The following HLF variants were observed in gnomAD, a reference collection of about 807,000 sequenced individuals.
HLF encodes the protein HLF transcription factor, PAR bZIP family member.
In HLF, 3 loss-of-function variants were observed where a neutral mutation model predicts 22.6. The observed-to-expected ratio is 0.13, with a 90% confidence interval of 0.06 to 0.34. The LOEUF is 0.34. Among genes scored for constraint, HLF ranks in the 10% least tolerant of loss-of-function variants. The pLI is 1.00. For synonymous variants in HLF, 151 were observed against 151.8 expected (o/e 0.99, Z 0.04); for missense variants, 299 against 389.2 (o/e 0.77, Z 1.95).
chr17:55,288,388 T>TCCG (rs965863487), intron 2 of HLF, among the ~76,000 whole-genome samples: 12 of 152,048 alleles, frequency 7.9e-5, no homozygotes. Flanking sequence ...CCTCAAGTGA[T>TCCG]CCGCCCTCCT....
chr17:55,269,162 T>C (rs979451843), intron 2 of HLF, among the ~76,000 whole-genome samples: 5 of 152,118 alleles, frequency 3.3e-5, no homozygotes, highest in Non-Finnish European at 2.9e-5. Flanking sequence ...AAGATTTAAA[T>C]GGAAGGAAAT....
intron 2 of HLF, among the ~76,000 whole-genome samples, chr17:55,306,069 T>C (rs1030867628): frequency 1.3e-5 from 2 of 152,202 alleles, no homozygotes; most frequent in African/African-American, 4.8e-5. Flanking sequence ...TCAGTATTAC[T>C]GATATTACCA....
chr17:55,265,957 C>T (rs1269367512), intron 1 of HLF: 7 of 708,944 alleles, frequency 9.9e-6, no homozygotes, highest in Non-Finnish European at 7.1e-6. Context: ...GCAGAGCCTC[C>T]CGGGCTGGGG....
At chr17:55,312,191 G>A (rs549984285) in intron 2 of HLF, among the ~76,000 whole-genome samples, 35 of 152,252 alleles carry the variant, frequency 2.3e-4, no homozygotes, top group East Asian at 1.9e-4. Flanking sequence ...CCAGTAATGC[G>A]TTGCTAGGCC....
chr17:55,271,536 T>C (rs996116958), intron 2 of HLF: 3 of 152,118 alleles, frequency 2.0e-5, no homozygotes, highest in African/African-American at 7.2e-5. Context: ...ACTTATTTGT[T>C]TATTTATTTT....
chr17:55,305,600 TC>T (rs1267415434), intron 2 of HLF, among the ~76,000 whole-genome samples: 2 of 152,134 alleles, frequency 1.3e-5, no homozygotes, highest in Non-Finnish European at 2.9e-5. Flanking sequence ...CCACCCAGCC[TC>T]CCCCTGGCTT....
At chr17:55,275,952 A>T (rs888309298) in intron 2 of HLF, among the ~76,000 whole-genome samples, 2 of 152,170 alleles carry the variant, frequency 1.3e-5, no homozygotes, top group Non-Finnish European at 2.9e-5. Flanking sequence ...ATATTTTTTT[A>T]AAAATATTAG....
At chr17:55,275,544 T>C (rs892544020) in intron 2 of HLF, among the ~76,000 whole-genome samples, 6 of 152,256 alleles carry the variant, frequency 3.9e-5, no homozygotes, top group African/African-American at 1.4e-4. Context: ...CATAAAGGTA[T>C]GTTATGGTGT....
intron 1 of HLF, 41 bp downstream of exon 1, chr17:55,265,640 T>A: frequency 1.4e-6 from 2 of 1,401,252 alleles, no homozygotes; most frequent in Non-Finnish European, 2.0e-6. Context: ...GGGACGACGC[T>A]CCGGGGGTCC....
chr17:55,277,843 T>G (rs964030795), intron 2 of HLF, among the ~76,000 whole-genome samples: 5 of 152,218 alleles, frequency 3.3e-5, no homozygotes, highest in Admixed American at 6.5e-5. Context: ...ATCGAGTGTC[T>G]GCTGGGGGAG....
chr17:55,305,411 A>G (rs766009296), intron 2 of HLF, among the ~76,000 whole-genome samples: 14 of 152,184 alleles, frequency 9.2e-5, no homozygotes, highest in Non-Finnish European at 1.8e-4. Flanking sequence ...GCTCTTGTCC[A>G]TGAGAGGAAG....
Position 55,270,113 on chromosome 17 carries a change from A to G in HLF, c.451+2027A>G, listed in dbSNP as rs566351587. On this transcript the variant is annotated intron_variant, in intron 2 of 3. Coordinates refer to ENST00000226067, the MANE Select transcript of HLF (RefSeq NM_002126.5). ...ACTCTCAGAAGGCTTGGAATGCCCA[A>G]TCAGAGTTGCAATGCATAGCAAAGA... Among the ~76,000 whole-genome samples the G allele has an allele frequency of 3.9e-5, 6 of 152,354 alleles. No individual in the cohort carries two copies. The South Asian group carries it at 1.2e-3, about 32-fold the overall frequency.
At chr17:55,277,134 T>C (rs2145308234) in intron 2 of HLF, among the ~76,000 whole-genome samples, 1 of 152,126 alleles carries the variant, frequency 6.6e-6, no homozygotes, top group South Asian at 2.1e-4. Context: ...AGTAGAAAAA[T>C]AGATTTTAAT....
At chr17:55,287,244 T>C (rs1011266330) in intron 2 of HLF, among the ~76,000 whole-genome samples, 4 of 152,262 alleles carry the variant, frequency 2.6e-5, no homozygotes, top group Non-Finnish European at 5.9e-5. Flanking sequence ...GAAGTTTTAT[T>C]TGGAGCTTTG....
intron 2 of HLF, among the ~76,000 whole-genome samples, chr17:55,293,318 T>G (rs1271157635): frequency 6.6e-6 from 1 of 152,182 alleles, no homozygotes; most frequent in Non-Finnish European, 1.5e-5. Context: ...GGAACGACCA[T>G]TACATGTGGC....
chr17:55,296,523 T>C (rs1247743076), intron 2 of HLF, among the ~76,000 whole-genome samples: 2 of 152,224 alleles, frequency 1.3e-5, no homozygotes, highest in African/African-American at 4.8e-5. Context: ...ATGCATACAA[T>C]ACATAGTGTT....
rs1186044640 is a variant in HLF at position 55,324,745 on chromosome 17, T to C, written c.*3866T>C. The C allele has an allele frequency of 8.6e-6, 2 of 233,190 alleles. No individual in the cohort carries two copies. Among genetic ancestry groups the C allele is most frequent in the African/African-American group, 4.4e-5 (2 of 45,320 alleles). The allele number at this position is 233,190 out of a possible 1,614,324, so 14.4% of individuals were successfully genotyped here. A position where few individuals can be genotyped will look rare whatever the true frequency, so the allele number is the denominator to read the frequency against. On this transcript the variant is annotated 3_prime_UTR_variant, in exon 4 of 4. Transcript: ENST00000226067. ...TGAGCAAAGCCTTATCCGAATCGGATATAGCAACTAAAGTCAATACATTTT... is the reference window on the plus strand; with the variant it reads ...TGAGCAAAGCCTTATCCGAATCGGACATAGCAACTAAAGTCAATACATTTT...
chr17:55,289,592 A>G (rs1377351662), intron 2 of HLF, among the ~76,000 whole-genome samples: 1 of 152,224 alleles, frequency 6.6e-6, no homozygotes, highest in Non-Finnish European at 1.5e-5. Context: ...ATGACAAGGC[A>G]TTTGAAAAAT....
intron 2 of HLF, chr17:55,272,758 G>A (rs1567811498): frequency 6.6e-6 from 1 of 152,258 alleles, no homozygotes; most frequent in Non-Finnish European, 1.5e-5. Context: ...GAAGGTCAGA[G>A]GATTCTCTTA....
Sources: allele counts gnomAD v4.1 joint callset (sites outside exome capture counted in the v4.1 genomes callset), GRCh38; gene constraint gnomAD v4.1.1; transcripts MANE v1.5; gene names NCBI Gene and HGNC (gene_info 2026-07-23, HGNC 2026-07-21).